The following RBFOX1 variants were observed in gnomAD, a reference collection of about 807,000 sequenced individuals.
RBFOX1 encodes RNA binding protein fox-1 homolog 1.
Under a neutral mutation model 57.7 loss-of-function variants are expected in RBFOX1, and 8 were observed. The observed-to-expected ratio is 0.14, with a 90% CI of 0.08 to 0.25. The LOEUF (loss-of-function observed/expected upper bound fraction) is 0.25. RBFOX1 is among the 10% of genes least tolerant of loss of function. The pLI is 1.00. For synonymous variants in RBFOX1, 326 were observed against 222.4 expected (o/e 1.47, Z -4.15); for missense variants, 611 against 548.5 (o/e 1.11, Z -1.14).
intron 4 of RBFOX1, among the ~76,000 whole-genome samples, chr16:7,369,269 G>A (rs1156572469): frequency 5.3e-5 from 8 of 152,086 alleles, no homozygotes; most frequent in South Asian, 2.1e-4. Flanking sequence ...TGCAGCTCTC[G>A]GGGGCTGACC....
At chr16:6,621,377 T>C (rs12928349) in intron 2 of RBFOX1, among the ~76,000 whole-genome samples, 32,795 of 152,108 alleles carry the variant, frequency 0.22, 3,715 homozygotes, top group Middle Eastern at 0.25. Flanking sequence ...GGCAGGAGAA[T>C]GGCGTGAACC....
At chr16:7,419,635 C>T (rs552221433) in intron 4 of RBFOX1, among the ~76,000 whole-genome samples, 210 of 152,344 alleles carry the variant, frequency 1.4e-3, no homozygotes, top group African/African-American at 4.8e-3. Context: ...TCTCCGCAGC[C>T]CTCAGGGACA....
chr16:6,886,598 G>A (rs28507390), intron 3 of RBFOX1, among the ~76,000 whole-genome samples: 2 of 151,746 alleles, frequency 1.3e-5, no homozygotes, highest in East Asian at 2.0e-4. Context: ...ACTAAAAATA[G>A]AAAAAAATTA....
intron 1 of RBFOX1, chr16:5,366,809 ATGT>A (rs1180292371): frequency 4.0e-6 from 1 of 252,556 alleles, no homozygotes; most frequent in Admixed American, 5.6e-5. Context: ...TGTTTGATAA[ATGT>A]TGTCCAGGTT....
intron 3 of RBFOX1, among the ~76,000 whole-genome samples, chr16:6,999,534 A>T (rs1243782462): frequency 6.6e-6 from 1 of 151,870 alleles, no homozygotes; most frequent in Non-Finnish European, 1.5e-5. Context: ...ATTATGAAAA[A>T]TTTCAAAAAA....
chr16:7,416,852 C>G (rs57551025), intron 4 of RBFOX1, among the ~76,000 whole-genome samples: 10,480 of 151,974 alleles, frequency 0.069, 884 homozygotes, highest in East Asian at 0.31. Flanking sequence ...GCACGTAACA[C>G]ATATTATCTC....
At chr16:6,653,521 A>G (rs2098616369) in intron 2 of RBFOX1, among the ~76,000 whole-genome samples, 1 of 152,184 alleles carries the variant, frequency 6.6e-6, no homozygotes, top group African/African-American at 2.4e-5. Flanking sequence ...GGTAGGAATT[A>G]TGTTTGTTTC....
At chr16:6,817,387 T>C (rs907819045) in intron 3 of RBFOX1, among the ~76,000 whole-genome samples, 13 of 152,066 alleles carry the variant, frequency 8.5e-5, no homozygotes, top group Non-Finnish European at 1.6e-4. Flanking sequence ...ATGGTAGAAA[T>C]AATTCAGTTT....
intron 1 of RBFOX1, among the ~76,000 whole-genome samples, chr16:5,442,908 C>T (rs1319841299): frequency 2.0e-5 from 3 of 152,090 alleles, no homozygotes; most frequent in African/African-American, 7.2e-5. Context: ...TAAGATGGAC[C>T]TGAAATCCAG....
chr16:5,740,610 C>G (rs146169299), intron 3 of RBFOX1, among the ~76,000 whole-genome samples: 1 of 152,240 alleles, frequency 6.6e-6, no homozygotes, highest in East Asian at 1.9e-4. Flanking sequence ...GAAGCTGTGG[C>G]TTCAGGCATA....
At chr16:7,039,913 A>G in intron 3 of RBFOX1, among the ~76,000 whole-genome samples, 1 of 148,918 alleles carries the variant, frequency 6.7e-6, no homozygotes, top group Admixed American at 6.7e-5. Context: ...CCACACAAAA[A>G]TACTTATGTC....
chr16:5,286,455 C>A (rs147381701), intron 1 of RBFOX1, among the ~76,000 whole-genome samples: 2 of 152,158 alleles, frequency 1.3e-5, no homozygotes, highest in African/African-American at 4.8e-5. Flanking sequence ...GAGTCAGTCT[C>A]CAGGCCCCCA....
intron 4 of RBFOX1, among the ~76,000 whole-genome samples, chr16:7,370,104 G>T (rs1216952502): frequency 6.6e-6 from 1 of 152,186 alleles, no homozygotes; most frequent in Admixed American, 6.5e-5. Flanking sequence ...TTGTTGAAGG[G>T]TTTCCCTGTG....
chr16:6,637,035 A>C (rs1198901731), intron 2 of RBFOX1, among the ~76,000 whole-genome samples: 1 of 109,216 alleles, frequency 9.2e-6, no homozygotes, highest in East Asian at 2.5e-4. Flanking sequence ...ATTTATATGG[A>C]TAAATTATGT....
chr16:7,190,321 C>A (rs113268279), intron 4 of RBFOX1, among the ~76,000 whole-genome samples: 5 of 151,848 alleles, frequency 3.3e-5, no homozygotes, highest in Non-Finnish European at 7.4e-5. Context: ...ATCACACCAC[C>A]GTACTCCAGC....
At chr16:6,015,422 A>T (rs184396975), upstream of RBFOX1, among the ~76,000 whole-genome samples, 17,251 of 152,098 alleles carry the variant, frequency 0.11, 2,207 homozygotes, top group African/African-American at 0.32. Flanking sequence ...GGAAATCATT[A>T]TGGTAATGGT....
At chr16:6,007,662 C>A (rs528971029) in intron 4 of RBFOX1, among the ~76,000 whole-genome samples, 1 of 152,112 alleles carries the variant, frequency 6.6e-6, no homozygotes, top group Non-Finnish European at 1.5e-5. Flanking sequence ...CTTTAGTTTG[C>A]GTAAATAGTA....
At chr16:6,551,949 C>T (rs2096997762) in intron 2 of RBFOX1, among the ~76,000 whole-genome samples, 1 of 152,194 alleles carries the variant, frequency 6.6e-6, no homozygotes, top group African/African-American at 2.4e-5. Flanking sequence ...ATTTGGATTT[C>T]AGAAGGATTT....
intron 2 of RBFOX1, among the ~76,000 whole-genome samples, chr16:6,510,820 G>C (rs529423749): frequency 8.6e-5 from 13 of 151,050 alleles, no homozygotes; most frequent in African/African-American, 2.9e-4. Flanking sequence ...TTTGTCATTT[G>C]TTAAGTAGTG....
Sources: gnomAD v4.1 joint callset for allele counts (sites outside exome capture counted in the v4.1 genomes callset) on GRCh38, gnomAD v4.1.1 for gene constraint, MANE v1.5 for transcripts, NCBI Gene and HGNC (gene_info 2026-07-23, HGNC 2026-07-21) for gene names.